The following TRIM74 variants were observed in gnomAD, a reference collection of about 807,000 sequenced individuals.
TRIM74 encodes the protein tripartite motif-containing protein 74.
TRIM74 carries 3 observed loss-of-function variants against 14.5 expected under a neutral mutation model. The observed-to-expected ratio is 0.21, with a 90% confidence interval of 0.09 to 0.53. The LOEUF is 0.53. TRIM74 is among the 20% of genes least tolerant of loss of function. TRIM74 has a pLI of 0.95. For missense variants in TRIM74, 26 were observed against 174.0 expected (o/e 0.15, Z 4.79); for synonymous variants, 10 against 71.3 (o/e 0.14, Z 4.33).
chr7:72,957,728 GGAGGCT>G (rs1486222143), downstream of TRIM74, among the ~76,000 whole-genome samples: 1 of 142,152 alleles, frequency 7.0e-6, no homozygotes, highest in Non-Finnish European at 1.5e-5. Flanking sequence ...AGGGCTGTGG[GGAGGCT>G]GAGGGTTGCT....
intron 1 of TRIM74, chr7:72,966,987 T>TC (rs1169934294): frequency 2.1e-5 from 3 of 141,366 alleles, no homozygotes; most frequent in Admixed American, 7.3e-5. Flanking sequence ...CCTTCTCTCC[T>TC]CCCCTTCCCC....
In TRIM74 at chr7:72,967,262, C is replaced by CT. The variant is rs1798307889; in HGVS notation, c.-18-1088dup. ...ATCCTTTTTTGGGGGGGGTGGGGGGCTGGGGGGCAGGGGAAGACAGTGTCT... is the reference window on the plus strand; with the variant it reads ...ATCCTTTTTTGGGGGGGGTGGGGGGCTTGGGGGGCAGGGGAAGACAGTGTCT... On this transcript the variant is annotated intron_variant, in intron 1 of 4. Coordinates refer to ENST00000285805, the MANE Select transcript of TRIM74 (RefSeq NM_198853.3). Among the ~76,000 whole-genome samples the CT allele has an allele frequency of 8.0e-5, 3 of 37,484 alleles. No individual in the cohort carries two copies. The South Asian group carries it at 2.2e-3, about 28-fold the overall frequency. 24.6% of individuals were successfully genotyped at this position (37,484 alleles called of 152,430 possible). A position where few individuals can be genotyped will look rare whatever the true frequency, so the allele number is the denominator to read the frequency against.
downstream of TRIM74, chr7:72,955,087 G>GTGTA (rs1404857549): frequency 3.0e-5 from 9 of 301,856 alleles, no homozygotes; most frequent in Non-Finnish European, 5.5e-5. Flanking sequence ...GTGTATGTGT[G>GTGTA]TATATATATA....
At chr7:72,966,398 T>C (rs1554507273) in intron 1 of TRIM74, among the ~76,000 whole-genome samples, 1 of 143,974 alleles carries the variant, frequency 6.9e-6, no homozygotes, top group Non-Finnish European at 1.5e-5. Flanking sequence ...TGTGTGTGTG[T>C]GTGTGTGTGT....
At chr7:72,955,107 ATATAT>A (rs1419041706), downstream of TRIM74, 32 of 130,134 alleles carry the variant, frequency 2.5e-4, no homozygotes, top group African/African-American at 5.9e-4. Context: ...ATATATATAT[ATATAT>A]TTTTTTTTTT....
At chr7:72,955,675 G>A (rs1265293869), downstream of TRIM74, among the ~76,000 whole-genome samples, 2 of 146,094 alleles carry the variant, frequency 1.4e-5, no homozygotes, top group Admixed American at 6.8e-5. Flanking sequence ...CCACAATAAC[G>A]GTTTTGTTTT....
downstream of TRIM74, chr7:72,954,897 G>T: frequency 1.8e-6 from 1 of 543,738 alleles, no homozygotes; most frequent in Non-Finnish European, 3.3e-6. Context: ...GGGCGCACCT[G>T]CTGGGGTAGG....
At chr7:72,955,111 A>ATATATATATATATATATATTTT (rs1346659193), downstream of TRIM74, 1 of 112,054 alleles carries the variant, frequency 8.9e-6, no homozygotes, top group African/African-American at 4.1e-5. Context: ...ATATATATAT[A>ATATATATATATATATATATTTT]TTTTTTTTTT....
chr7:72,963,701 T>C (rs1798225147), intron 2 of TRIM74, among the ~76,000 whole-genome samples: 1 of 144,786 alleles, frequency 6.9e-6, no homozygotes, highest in Non-Finnish European at 1.5e-5. Flanking sequence ...TGAGACCCTG[T>C]CTCTACCAAA....
intron 1 of TRIM74, among the ~76,000 whole-genome samples, chr7:72,967,238 T>C (rs1444764857): frequency 2.5e-3 from 364 of 148,224 alleles, no homozygotes; most frequent in African/African-American, 8.6e-3. Flanking sequence ...TGCTCTTATA[T>C]CCTTTTTTGG....
At chr7:72,963,179 GC>G (rs1798205310) in intron 2 of TRIM74, among the ~76,000 whole-genome samples, 1 of 152,162 alleles carries the variant, frequency 6.6e-6, no homozygotes, top group African/African-American at 2.4e-5. Flanking sequence ...CTTGACCAGA[GC>G]CCCCGTCGGT....
At chr7:72,967,422 T>G (rs1554507558) in intron 1 of TRIM74, among the ~76,000 whole-genome samples, 1 of 152,200 alleles carries the variant, frequency 6.6e-6, no homozygotes, top group Non-Finnish European at 1.5e-5. Flanking sequence ...CATGCCAAGC[T>G]AATTTTTAAA....
At chr7:72,962,877 T>C (rs1186941411) in intron 2 of TRIM74, among the ~76,000 whole-genome samples, 2 of 93,120 alleles carry the variant, frequency 2.1e-5, no homozygotes, top group African/African-American at 9.0e-5. Context: ...AACTCTGTGG[T>C]CACCAGCAGA....
chr7:72,962,441 G>C (rs1330206887), intron 2 of TRIM74, among the ~76,000 whole-genome samples: 1 of 8,444 alleles, frequency 1.2e-4, no homozygotes, highest in Non-Finnish European at 2.5e-4. Flanking sequence ...CCAACACTCT[G>C]GGAGGCTGAG....
chr7:72,963,641 CG>C (rs1162742206), intron 2 of TRIM74, among the ~76,000 whole-genome samples: 2 of 138,312 alleles, frequency 1.4e-5, no homozygotes, highest in Non-Finnish European at 3.2e-5. Flanking sequence ...GAGGCCGAGA[CG>C]GGAGGATCAC....
intron 1 of TRIM74, among the ~76,000 whole-genome samples, chr7:72,967,518 C>T (rs1311549675): frequency 6.8e-6 from 1 of 147,518 alleles, no homozygotes; most frequent in African/African-American, 2.5e-5. Context: ...ACCTTGGCCT[C>T]CCAAAGTGCT....
downstream of TRIM74, among the ~76,000 whole-genome samples, chr7:72,956,914 G>A (rs1440938494): frequency 6.6e-6 from 1 of 152,232 alleles, no homozygotes. Flanking sequence ...GATCCCTTGA[G>A]CCCAGGAGTT....
At chr7:72,963,209 C>T (rs1798206889) in intron 2 of TRIM74, among the ~76,000 whole-genome samples, 1 of 152,300 alleles carries the variant, frequency 6.6e-6, no homozygotes, top group African/African-American at 2.4e-5. Flanking sequence ...ATGCAATGTA[C>T]AGAATTTTTG....
At chr7:72,964,030 G>T (rs1798234269) in intron 2 of TRIM74, among the ~76,000 whole-genome samples, 1 of 19,852 alleles carries the variant, frequency 5.0e-5, no homozygotes, top group African/African-American at 1.8e-4. Context: ...CTGCTCTGAG[G>T]ATTCTTTCTA....
Sources: allele counts gnomAD v4.1 joint callset (sites outside exome capture counted in the v4.1 genomes callset), GRCh38; gene constraint gnomAD v4.1.1; transcripts MANE v1.5; gene names NCBI Gene and HGNC (gene_info 2026-07-23, HGNC 2026-07-21).